The following TMEM266 variants were observed in gnomAD, a reference collection of about 807,000 sequenced individuals.
The protein encoded by TMEM266 is transmembrane protein 266.
Under a neutral mutation model 50.5 loss-of-function variants are expected in TMEM266, and 33 were observed. That is an observed-to-expected ratio of 0.65 (90% CI 0.50 to 0.87). The LOEUF is 0.87. Ranked by LOEUF, TMEM266 falls within the 40% of genes least tolerant of loss-of-function variation. The pLI, the probability that TMEM266 is intolerant of heterozygous loss-of-function variation, is 0.00. For missense variants in TMEM266, 655 were observed against 695.1 expected, an observed-to-expected ratio of 0.94 and a Z score of 0.65; for synonymous variants, 310 against 292.3, an observed-to-expected ratio of 1.06 and a Z score of -0.62.
chr15:76,110,091 C>A (rs971108815), intron 1 of TMEM266, among the ~76,000 whole-genome samples: 5 of 152,080 alleles, frequency 3.3e-5, no homozygotes, highest in Non-Finnish European at 5.9e-5. Context: ...TCTCTGTCTC[C>A]TGGGTTCAAG....
chr15:76,163,508 G>A (rs1421427790), intron 5 of TMEM266, among the ~76,000 whole-genome samples: 3 of 152,174 alleles, frequency 2.0e-5, no homozygotes, highest in East Asian at 3.9e-4. Flanking sequence ...TGCGCTTCAC[G>A]TGGCCCTGCA....
rs373481496 is a variant in TMEM266 at position 76,175,669 on chromosome 15, C to G, written c.763C>G (p.Gln255Glu). Residue 255 changes from glutamine (Q) to glutamate (E), a missense_variant, in exon 8 of 11, where the codon CAA (glutamine) becomes GAA (glutamate). Transcript: ENST00000388942. ...GAGGCTGACGCAGATCTGTCAGGAG[C>G]AAGGGGTAATGCACTGCCACTTTCG... 1 of 1,613,580 alleles carries G rather than the reference C, an allele frequency of 6.2e-7. No homozygotes were observed. The highest frequency in any genetic ancestry group is 8.5e-7 in the Non-Finnish European group (1 of 1,179,650).
chr15:76,172,962 C>T (rs149943906), intron 7 of TMEM266, among the ~76,000 whole-genome samples: 156 of 152,312 alleles, frequency 1.0e-3, no homozygotes, highest in African/African-American at 3.5e-3. Flanking sequence ...CCCTTTGTGA[C>T]GCTCTTCCCA....
Position 76,153,202 on chromosome 15 carries a change from G to T in TMEM266, c.228-3402G>T, listed in dbSNP as rs1207019793. 2.0e-5 allele frequency among the ~76,000 whole-genome samples: 3 copies of T among 152,180 alleles called. No individual in the cohort carries two copies. The highest frequency in any genetic ancestry group is 4.4e-5 in the Non-Finnish European group (3 of 68,040). On this transcript the variant is annotated intron_variant, in intron 3 of 10. Transcript: ENST00000388942. This position sits in a 1 kb window ranked among gnomAD's most constrained non-coding sequence, Gnocchi z 4.2. ...TAAATTGGCTTTTCCTCCCTTGGAG[G>T]CAGGTCAAGGTCTGAGTCTCCTGTT...
Position 76,177,832 on chromosome 15 carries a change from C to T in TMEM266, c.768+2158C>T, listed in dbSNP as rs747528568. On this transcript the variant is annotated intron_variant, in intron 8 of 10. Coordinates refer to ENST00000388942, the MANE Select transcript of TMEM266 (RefSeq NM_152335.3). ...GGACAGGGTGTGACCCTCGTCCTCACGGGGCTCTGGGTGACTCAGGGGGTT... is the reference window on the plus strand; with the variant it reads ...GGACAGGGTGTGACCCTCGTCCTCATGGGGCTCTGGGTGACTCAGGGGGTT... Among the ~76,000 whole-genome samples the T allele has an allele frequency of 3.9e-5, 6 of 152,234 alleles. No individual in the cohort carries two copies. The East Asian group carries it at 7.7e-4, about 20-fold the overall frequency.
In TMEM266 at chr15:76,161,359, A is replaced by G. The variant is rs997821174; in HGVS notation, c.456+1191A>G. 6.6e-6 allele frequency among the ~76,000 whole-genome samples: 1 copy of G among 151,872 alleles called. No individual in the cohort carries two copies. Reference sequence around the variant, plus strand: ...GGGCCTTGAAGGGAGGAAGGATGCTATGGGAGAGGGTGGCGTGGGCAGAGG... The same window carrying G: ...GGGCCTTGAAGGGAGGAAGGATGCTGTGGGAGAGGGTGGCGTGGGCAGAGG... On this transcript the variant is annotated intron_variant, in intron 5 of 10. Transcript: ENST00000388942. The surrounding 1 kb of genome is among the most constrained non-coding windows in gnomAD (Gnocchi z 4.1).
At chr15:76,086,131 A>G (rs1234118361) in intron 1 of TMEM266, among the ~76,000 whole-genome samples, 1 of 152,214 alleles carries the variant, frequency 6.6e-6, no homozygotes, top group Non-Finnish European at 1.5e-5. Flanking sequence ...TTTTTCATCA[A>G]CAGGTGAATG....
chr15:76,164,129 A>G (rs745949453), intron 5 of TMEM266, among the ~76,000 whole-genome samples: 1 of 152,006 alleles, frequency 6.6e-6, no homozygotes, highest in Non-Finnish European at 1.5e-5. Flanking sequence ...ATGTAAACAA[A>G]ATCTTACAGT....
intron 1 of TMEM266, among the ~76,000 whole-genome samples, chr15:76,088,426 G>A (rs2036803175): frequency 6.6e-6 from 1 of 152,210 alleles, no homozygotes; most frequent in Non-Finnish European, 1.5e-5. Context: ...GCCAAGGCAG[G>A]AGGATCCCTT....
intron 8 of TMEM266, 32 bp downstream of exon 8, chr15:76,175,706 G>T: frequency 6.4e-7 from 1 of 1,559,436 alleles, no homozygotes; most frequent in South Asian, 1.1e-5. Flanking sequence ...CTCTGTCCGT[G>T]GTCTTGCTGG....
At chr15:76,082,491 G>A (rs909966376) in intron 1 of TMEM266, among the ~76,000 whole-genome samples, 1 of 152,214 alleles carries the variant, frequency 6.6e-6, no homozygotes, top group Admixed American at 6.5e-5. Flanking sequence ...TTATGATGGA[G>A]TCAGGCCCCG....
At chr15:76,129,394 C>A (rs2037470431) in intron 1 of TMEM266, among the ~76,000 whole-genome samples, 1 of 152,140 alleles carries the variant, frequency 6.6e-6, no homozygotes, top group African/African-American at 2.4e-5. Context: ...GTAATCCCAG[C>A]ACTTTGGGAG....
At chr15:76,116,219 A>G (rs977858703) in intron 1 of TMEM266, among the ~76,000 whole-genome samples, 1 of 151,942 alleles carries the variant, frequency 6.6e-6, no homozygotes, top group Non-Finnish European at 1.5e-5. Flanking sequence ...CACGTCTCCA[A>G]GCTCCGGGAG....
chr15:76,170,609 C>A (rs1467502801), intron 6 of TMEM266, among the ~76,000 whole-genome samples: 1 of 152,210 alleles, frequency 6.6e-6, no homozygotes, highest in Non-Finnish European at 1.5e-5. Flanking sequence ...GCTCCTGTTC[C>A]CCTCGGGGAA....
intron 3 of TMEM266, among the ~76,000 whole-genome samples, chr15:76,154,850 C>T (rs1474876886): frequency 6.6e-6 from 1 of 152,186 alleles, no homozygotes; most frequent in Non-Finnish European, 1.5e-5. Context: ...CTTCCAATGG[C>T]GGGGGACTCC....
intron 7 of TMEM266, 90 bp downstream of exon 7, chr15:76,171,221 C>T (rs1361345163): frequency 6.6e-7 from 1 of 1,521,372 alleles, no homozygotes; most frequent in Non-Finnish European, 8.9e-7. Context: ...TGGGGGTACA[C>T]CCTGCTGGCG....
rs570793730 is a variant in TMEM266 at position 76,083,358 on chromosome 15, G to C, written c.-97+23342G>C. 7.5e-4 allele frequency among the ~76,000 whole-genome samples: 113 copies of C among 151,636 alleles called. 1 individual carries two copies. The highest frequency in any genetic ancestry group is 3.6e-3 in the South Asian group (17 of 4,784). ...ACCAGTTTTCCTGCTCCTTGGTCTC[G>C]AGCAAGGTAATGACCAAATTCTTAG... On this transcript the variant is annotated intron_variant, in intron 1 of 10. Transcript: ENST00000388942.
chr15:76,201,168 TG>T (rs1357228668), intron 9 of TMEM266, among the ~76,000 whole-genome samples: 5 of 152,106 alleles, frequency 3.3e-5, no homozygotes, highest in Non-Finnish European at 7.4e-5. Flanking sequence ...CCCTGGGCAT[TG>T]CAGTCTCTGG....
chr15:76,196,035 T>G (rs1165180801), intron 9 of TMEM266, among the ~76,000 whole-genome samples: 1 of 151,942 alleles, frequency 6.6e-6, no homozygotes, highest in Non-Finnish European at 1.5e-5. Flanking sequence ...CAGGTCAGAG[T>G]TGAAGGCCAC....
Sources: allele counts gnomAD v4.1 joint callset (sites outside exome capture counted in the v4.1 genomes callset), GRCh38; gene constraint gnomAD v4.1.1; non-coding constraint Gnocchi (gnomAD v3.1); transcripts MANE v1.5; gene names NCBI Gene and HGNC (gene_info 2026-07-23, HGNC 2026-07-21).